The following IL19 variants were observed in gnomAD, a reference collection of about 807,000 sequenced individuals.
The protein encoded by IL19 is interleukin 19.
Under a neutral mutation model 19.5 loss-of-function variants are expected in IL19, and 15 were observed. The ratio of observed to expected loss-of-function variants is 0.77; its 90% CI spans 0.52 to 1.19. IL19 has a LOEUF of 1.19. Among genes scored for constraint, IL19 ranks in the 50% most tolerant of loss-of-function variants. The probability of loss-of-function intolerance (pLI) is 0.00; values close to 1 mark genes in which losing one functional copy is unlikely to be tolerated. For missense variants in IL19, 199 were observed against 213.1 expected, an observed-to-expected ratio of 0.93 and a Z score of 0.41; for synonymous variants, 78 against 78.3, an observed-to-expected ratio of 1.00 and a Z score of 0.02.
chr1:206,842,870 AAT>A lies in IL19; in HGVS notation c.*249_*250del, dbSNP rs1296209977. On this transcript the variant is annotated 3_prime_UTR_variant, in exon 7 of 7. Coordinates refer to ENST00000659997, the MANE Select transcript of IL19 (RefSeq NM_153758.5). ...GGAGTAAAGGGCTGCCTTCCCATCT[AAT>A]TTATTGTAAAGTCATATAGTCCATG... The A allele has an allele frequency of 2.4e-6, 1 of 421,092 alleles. No homozygotes were observed. The highest frequency in any genetic ancestry group is 4.3e-6 in the Non-Finnish European group (1 of 233,010). 26.1% of individuals were successfully genotyped at this position (421,092 alleles called of 1,614,324 possible). A position where few individuals can be genotyped will look rare whatever the true frequency, so the allele number is the denominator to read the frequency against.
chr1:206,772,446 G>A (rs1416079104), intron 1 of IL19: 15 of 1,613,656 alleles, frequency 9.3e-6, no homozygotes, highest in Non-Finnish European at 1.3e-5. Context: ...GCCTTCTTTT[G>A]CAAGTCTGTC....
intron 2 of IL19, among the ~76,000 whole-genome samples, chr1:206,811,686 C>T (rs1057362359): frequency 6.6e-6 from 1 of 152,112 alleles, no homozygotes; most frequent in Non-Finnish European, 1.5e-5. Context: ...CATGGACTTA[C>T]CCTAGTCAAG....
intron 1 of IL19, among the ~76,000 whole-genome samples, chr1:206,787,522 C>T (rs1558607793): frequency 2.6e-5 from 4 of 152,190 alleles, no homozygotes; most frequent in Admixed American, 6.5e-5. Flanking sequence ...CACAGGTTTA[C>T]GATTCTCAAA....
At chr1:206,796,684 C>T (rs1348331234) in intron 1 of IL19, among the ~76,000 whole-genome samples, 1 of 152,168 alleles carries the variant, frequency 6.6e-6, no homozygotes, top group Non-Finnish European at 1.5e-5. Flanking sequence ...AGGTTTGTAG[C>T]CTAGGAGCAA....
intron 2 of IL19, among the ~76,000 whole-genome samples, chr1:206,814,562 C>T (rs906620045): frequency 3.3e-5 from 5 of 150,522 alleles, no homozygotes; most frequent in South Asian, 2.1e-4. Context: ...GGCATAGTGA[C>T]GGCCCCCTGT....
intron 4 of IL19, among the ~76,000 whole-genome samples, chr1:206,837,748 C>T (rs1349814094): frequency 7.9e-5 from 12 of 152,044 alleles, no homozygotes; most frequent in Admixed American, 6.6e-4. Flanking sequence ...GCTACTTGGG[C>T]GGCTGAGATG....
At chr1:206,780,645 G>T (rs1480018795) in intron 1 of IL19, among the ~76,000 whole-genome samples, 1 of 152,162 alleles carries the variant, frequency 6.6e-6, no homozygotes. Flanking sequence ...TCAAATTCAC[G>T]TGTCTTCTTT....
At chr1:206,822,788 C>T (rs1676319621) in intron 2 of IL19, among the ~76,000 whole-genome samples, 2 of 152,156 alleles carry the variant, frequency 1.3e-5, no homozygotes, top group Admixed American at 6.5e-5. Flanking sequence ...TTCGGTGTCC[C>T]CCAAACCTAG....
chr1:206,830,371 A>G (rs1231514578), intron 2 of IL19, among the ~76,000 whole-genome samples: 1 of 152,164 alleles, frequency 6.6e-6, no homozygotes, highest in Non-Finnish European at 1.5e-5. Flanking sequence ...AAAAACAAAA[A>G]CAAAACAAAG....
intron 1 of IL19, chr1:206,772,580 G>T: frequency 1.3e-6 from 1 of 759,720 alleles, no homozygotes; most frequent in Non-Finnish European, 2.2e-6. Context: ...AAGGTTTCCC[G>T]GCACAGGATT....
At chr1:206,826,787 C>T (rs1323167847) in intron 2 of IL19, among the ~76,000 whole-genome samples, 3 of 152,226 alleles carry the variant, frequency 2.0e-5, no homozygotes, top group Admixed American at 6.5e-5. Context: ...TCAAGCCATC[C>T]TCTATGCCAT....
At chr1:206,800,168 C>G in intron 2 of IL19, among the ~76,000 whole-genome samples, 1 of 152,222 alleles carries the variant, frequency 6.6e-6, no homozygotes, top group Non-Finnish European at 1.5e-5. Context: ...CTTCTACACA[C>G]CAGACTGCTG....
At chr1:206,819,719 G>C (rs1008283084) in intron 2 of IL19, among the ~76,000 whole-genome samples, 1 of 152,190 alleles carries the variant, frequency 6.6e-6, no homozygotes, top group Admixed American at 6.5e-5. Flanking sequence ...AGTTCTTTTG[G>C]ATAGCTTTTT....
intron 2 of IL19, among the ~76,000 whole-genome samples, chr1:206,836,247 T>C (rs1444857288): frequency 6.6e-6 from 1 of 152,190 alleles, no homozygotes; most frequent in African/African-American, 2.4e-5. Flanking sequence ...GTTTTTATGG[T>C]TTTTCACATC....
chr1:206,832,692 G>T (rs1373528714), intron 2 of IL19, among the ~76,000 whole-genome samples: 2 of 152,124 alleles, frequency 1.3e-5, no homozygotes, highest in African/African-American at 4.8e-5. Context: ...TCCAAGTTAG[G>T]TCACTTTCCT....
At chr1:206,792,154 G>A (rs1008391261) in intron 1 of IL19, among the ~76,000 whole-genome samples, 5 of 152,188 alleles carry the variant, frequency 3.3e-5, no homozygotes, top group Non-Finnish European at 7.3e-5. Flanking sequence ...AGAAAGCCTG[G>A]GGAACAGCAT....
intron 2 of IL19, among the ~76,000 whole-genome samples, chr1:206,799,320 A>G (rs1675617905): frequency 6.6e-6 from 1 of 152,168 alleles, no homozygotes; most frequent in South Asian, 2.1e-4. Context: ...TCACACAACA[A>G]GAGTCTTCAC....
At chr1:206,836,620 C>G (rs1402946068) in intron 2 of IL19, 41 bp from the exon 3 acceptor site, 3 of 1,558,094 alleles carry the variant, frequency 1.9e-6, no homozygotes, top group African/African-American at 2.8e-5. Flanking sequence ...TCATTGCCCT[C>G]CACTCTTGGC....
chr1:206,788,249 C>T (rs1315830594), intron 1 of IL19, among the ~76,000 whole-genome samples: 2 of 152,228 alleles, frequency 1.3e-5, no homozygotes, highest in African/African-American at 2.4e-5. Flanking sequence ...ATGCTATAGA[C>T]TAAGACATGT....
Sources: gnomAD v4.1 joint callset for allele counts (sites outside exome capture counted in the v4.1 genomes callset) on GRCh38, gnomAD v4.1.1 for gene constraint, MANE v1.5 for transcripts, NCBI Gene and HGNC (gene_info 2026-07-23, HGNC 2026-07-21) for gene names.